Variants in RAB3IP observed in about 807,000 individuals in gnomAD.
RAB3IP encodes the protein RAB3A interacting protein.
A neutral mutation model predicts 59.1 loss-of-function variants in RAB3IP; 36 were observed. The observed-to-expected ratio is 0.61, with a 90% confidence interval of 0.47 to 0.80. The LOEUF is 0.80. Ranked by LOEUF, RAB3IP falls within the 30% of genes least tolerant of loss-of-function variation. The pLI is 0.00. For synonymous variants in RAB3IP, 207 were observed against 191.2 expected, an observed-to-expected ratio of 1.08 and a Z score of -0.68; for missense variants, 511 against 536.0, an observed-to-expected ratio of 0.95 and a Z score of 0.46.
chr12:69,795,137 C>T lies in RAB3IP; in HGVS notation c.685-4C>T, dbSNP rs757079583. The T allele has an allele frequency of 6.2e-7, 1 of 1,608,562 alleles. No individual in the cohort carries two copies. The highest frequency in any genetic ancestry group is 8.5e-7 in the Non-Finnish European group (1 of 1,176,110). ...GTATGTGACTATGTTGATTTCTTTC[C>T]AAGATTGATGTACTTCAAGCTGAAG... On this transcript the variant is annotated splice_polypyrimidine_tract_variant and splice_region_variant and intron_variant, in intron 5 of 10. Coordinates refer to ENST00000247833, the MANE Select transcript of RAB3IP (RefSeq NM_022456.5).
At chr12:69,749,931 A>G (rs77061420) in intron 1 of RAB3IP, among the ~76,000 whole-genome samples, 4,419 of 152,330 alleles carry the variant, frequency 0.029, 82 homozygotes, top group Non-Finnish European at 0.044. Flanking sequence ...ACTTGCTGAA[A>G]GAATGGCTGA....
chr12:69,811,011 T>A (rs1477269439), intron 8 of RAB3IP, among the ~76,000 whole-genome samples: 1 of 152,038 alleles, frequency 6.6e-6, no homozygotes, highest in Non-Finnish European at 1.5e-5. Context: ...AGAAATGAGA[T>A]CTTTTAAGAA....
In RAB3IP at chr12:69,809,632, C is replaced by T. The variant is rs151213121; in HGVS notation, c.1131-3146C>T. ...TCTTTTTTCTCTAAACTTCTCTTCA[C>T]GCTTCATTTCATTCATTTTGTCTTC... On this transcript the variant is annotated intron_variant, in intron 8 of 10. Coordinates refer to ENST00000247833, the MANE Select transcript of RAB3IP (RefSeq NM_022456.5). Among the ~76,000 whole-genome samples, 684 of 152,258 alleles carry T rather than the reference C, an allele frequency of 4.5e-3. 5 individuals are homozygous for T. The highest frequency in any genetic ancestry group is 0.016 in the African/African-American group (658 of 41,536).
At chr12:69,786,790 AGCTTAGGCAATAGGCAAT>A (rs1875728089) in intron 4 of RAB3IP, among the ~76,000 whole-genome samples, 3 of 63,100 alleles carry the variant, frequency 4.8e-5, no homozygotes, top group African/African-American at 1.6e-4. Context: ...CCAGAAATGC[AGCTTAGGCAATAGGCAAT>A]AAGTGAAAAA....
At chr12:69,740,335 C>T (rs914881730) in intron 1 of RAB3IP, among the ~76,000 whole-genome samples, 10 of 152,184 alleles carry the variant, frequency 6.6e-5, no homozygotes, top group African/African-American at 2.2e-4. Flanking sequence ...TTTGATAGGA[C>T]TTTTCATGTT....
At chr12:69,804,437 C>T (rs927153326) in intron 8 of RAB3IP, among the ~76,000 whole-genome samples, 4 of 152,230 alleles carry the variant, frequency 2.6e-5, no homozygotes, top group South Asian at 2.1e-4. Flanking sequence ...TTCTCCCATT[C>T]TGTAGGTTGC....
At chr12:69,765,915 G>A (rs886511616) in intron 3 of RAB3IP, among the ~76,000 whole-genome samples, 11 of 152,210 alleles carry the variant, frequency 7.2e-5, no homozygotes, top group African/African-American at 2.7e-4. Context: ...TAGTTTGACA[G>A]GATATGAAAT....
At chr12:69,780,555 G>A (rs1396719742) in intron 3 of RAB3IP, among the ~76,000 whole-genome samples, 1 of 152,198 alleles carries the variant, frequency 6.6e-6, no homozygotes, top group African/African-American at 2.4e-5. Flanking sequence ...GGATCCTTTA[G>A]GACCTGCTTT....
intron 3 of RAB3IP, among the ~76,000 whole-genome samples, chr12:69,782,017 A>G (rs1450601886): frequency 6.6e-6 from 1 of 152,164 alleles, no homozygotes; most frequent in Non-Finnish European, 1.5e-5. Context: ...CTATTTGTTC[A>G]CATTCTCTTT....
chr12:69,815,238 GA>G, intron 10 of RAB3IP, 125 bp from the exon 11 acceptor site: 2 of 649,318 alleles, frequency 3.1e-6, no homozygotes, highest in Non-Finnish European at 5.2e-6. Flanking sequence ...GTGAATTATT[GA>G]AAAAATGTAG....
Position 69,739,981 on chromosome 12 carries a change from G to GT in RAB3IP, c.-26+953dup, listed in dbSNP as rs1887144503. 9.3e-6 allele frequency: 9 copies of GT among 968,546 alleles called. No individual in the cohort carries two copies. In the East Asian group the frequency reaches 1.8e-4, roughly 20 times the overall value. 60.0% of individuals were successfully genotyped at this position (968,546 alleles called of 1,614,324 possible). On this transcript the variant is annotated intron_variant, in intron 1 of 10. Transcript: ENST00000247833. ...GAGGCTACCTGTTATACACTCTCCT[G>GT]TTTCACCCCAACTCCTTCCGTTCAG...
intron 3 of RAB3IP, 146 bp downstream of exon 3, chr12:69,756,809 A>G (rs1001381610): frequency 3.8e-5 from 26 of 690,258 alleles, no homozygotes; most frequent in Non-Finnish European, 5.7e-5. Flanking sequence ...GTTAGGCAGC[A>G]TTTAGGAATC....
At chr12:69,755,687 A>AT (rs751947854) in intron 2 of RAB3IP, 28 bp downstream of exon 2, 18 of 1,563,870 alleles carry the variant, frequency 1.2e-5, no homozygotes, top group South Asian at 5.8e-5. Context: ...CACTTATTTG[A>AT]TTTTTTTTAA....
chr12:69,754,196 A>G (rs1443155044), intron 1 of RAB3IP, among the ~76,000 whole-genome samples: 1 of 152,176 alleles, frequency 6.6e-6, no homozygotes, highest in East Asian at 1.9e-4. Flanking sequence ...AAAGGATATT[A>G]TTGGAACAAT....
intron 4 of RAB3IP, among the ~76,000 whole-genome samples, chr12:69,787,878 A>G (rs1875955081): frequency 6.6e-6 from 1 of 152,160 alleles, no homozygotes; most frequent in Non-Finnish European, 1.5e-5. Context: ...ATGTGTATTT[A>G]TAAATTATAC....
chr12:69,769,348 A>C (rs933193111), intron 3 of RAB3IP, among the ~76,000 whole-genome samples: 1 of 152,166 alleles, frequency 6.6e-6, no homozygotes. Flanking sequence ...CCTCTCTCCA[A>C]GTTAACTCCA....
At chr12:69,807,122 C>A (rs12391532) in intron 8 of RAB3IP, among the ~76,000 whole-genome samples, 32,043 of 151,794 alleles carry the variant, frequency 0.21, 4,069 homozygotes, top group Middle Eastern at 0.35. Flanking sequence ...ACCTCCCAGA[C>A]GGGGCGGCCG....
chr12:69,770,423 C>CTTATATA (rs1167781275), intron 3 of RAB3IP, among the ~76,000 whole-genome samples: 1 of 152,106 alleles, frequency 6.6e-6, no homozygotes. Flanking sequence ...AATATAAATG[C>CTTATATA]TGTGTAAATA....
At chr12:69,782,385 G>A (rs372534044) in intron 3 of RAB3IP, among the ~76,000 whole-genome samples, 2 of 152,064 alleles carry the variant, frequency 1.3e-5, no homozygotes, top group Admixed American at 6.5e-5. Flanking sequence ...AGCTGGTCTC[G>A]AACTCCTGAC....
Sources: allele counts gnomAD v4.1 joint callset (sites outside exome capture counted in the v4.1 genomes callset), GRCh38; gene constraint gnomAD v4.1.1; transcripts MANE v1.5; gene names NCBI Gene and HGNC (gene_info 2026-07-23, HGNC 2026-07-21).